The following SLC25A16 variants were observed in gnomAD, a reference collection of about 807,000 sequenced individuals.
SLC25A16 encodes mitochondrial coenzyme A transporter SLC25A16.
SLC25A16 carries 39 observed loss-of-function variants against 41.5 expected under a neutral mutation model. The ratio of observed to expected loss-of-function variants is 0.94; its 90% confidence interval spans 0.73 to 1.23. SLC25A16 has a LOEUF of 1.23. Among genes scored for constraint, SLC25A16 ranks in the 50% most tolerant of loss-of-function variants. SLC25A16 has a pLI of 0.00. For missense variants in SLC25A16, 421 were observed against 426.9 expected (o/e 0.99, Z 0.12); for synonymous variants, 146 against 147.8 (o/e 0.99, Z 0.09).
In SLC25A16 at chr10:68,512,634, G is replaced by A. The variant is rs1462860298; in HGVS notation, c.223+4117C>T. ...AGCCTGGGCAACAGAGCGAGACTCCGTCTCAAAAAAAAAAAAAAAAAAAAA... is the reference window on the plus strand; with the variant it reads ...AGCCTGGGCAACAGAGCGAGACTCCATCTCAAAAAAAAAAAAAAAAAAAAA... On this transcript the variant is annotated intron_variant, in intron 2 of 8. Coordinates refer to ENST00000609923, the MANE Select transcript of SLC25A16 (RefSeq NM_152707.4). Among the ~76,000 whole-genome samples, 63 of 55,334 alleles carry A rather than the reference G, an allele frequency of 1.1e-3. 4 individuals carry two copies. The highest frequency in any genetic ancestry group is 0.043 in the Middle Eastern group (2 of 46). The allele number at this position is 55,334 out of a possible 152,430, so 36.3% of individuals were successfully genotyped here.
At chr10:68,504,920 T>C (rs1485320656) in intron 3 of SLC25A16, among the ~76,000 whole-genome samples, 2 of 152,096 alleles carry the variant, frequency 1.3e-5, no homozygotes, top group African/African-American at 4.8e-5. Context: ...CCTCAGCTGA[T>C]ACTCCCACCT....
At chr10:68,499,360 C>A (rs1478296385) in intron 4 of SLC25A16, among the ~76,000 whole-genome samples, 3 of 152,198 alleles carry the variant, frequency 2.0e-5, no homozygotes, top group African/African-American at 2.4e-5. Flanking sequence ...CTAACACTTT[C>A]CTTCTTTTTT....
intron 4 of SLC25A16, among the ~76,000 whole-genome samples, chr10:68,494,896 AAAAAG>A (rs1172626734): frequency 2.0e-5 from 3 of 151,148 alleles, no homozygotes; most frequent in South Asian, 2.1e-4. Context: ...AAAAAAAAGT[AAAAAG>A]AAAAGAAAAC....
intron 6 of SLC25A16, among the ~76,000 whole-genome samples, chr10:68,488,991 C>T (rs558437669): frequency 2.2e-4 from 33 of 152,140 alleles, no homozygotes; most frequent in African/African-American, 7.2e-4. Context: ...CAATGATGGC[C>T]GGGCGTGGTG....
At chr10:68,500,832 G>A (rs1204794943) in intron 4 of SLC25A16, among the ~76,000 whole-genome samples, 1 of 151,890 alleles carries the variant, frequency 6.6e-6, no homozygotes, top group Non-Finnish European at 1.5e-5. Context: ...TAAGGAGGCT[G>A]AGGCAGAAGA....
intron 1 of SLC25A16, 132 bp downstream of exon 1, chr10:68,527,114 A>G: frequency 1.1e-6 from 1 of 935,828 alleles, no homozygotes; most frequent in Non-Finnish European, 1.5e-6. Context: ...ACAGCAGGTC[A>G]GGGCAGACAT....
chr10:68,487,531 A>G (rs2052584693), intron 7 of SLC25A16, among the ~76,000 whole-genome samples: 1 of 152,216 alleles, frequency 6.6e-6, no homozygotes, highest in South Asian at 2.1e-4. Flanking sequence ...ACTAATATAC[A>G]GTTTCCAACA....
chr10:68,497,438 A>G (rs2052767108), intron 4 of SLC25A16, among the ~76,000 whole-genome samples: 1 of 151,982 alleles, frequency 6.6e-6, no homozygotes, highest in Non-Finnish European at 1.5e-5. Flanking sequence ...ACCAAAATAC[A>G]CCTGTCTATA....
intron 2 of SLC25A16, among the ~76,000 whole-genome samples, chr10:68,508,530 A>G (rs1315292046): frequency 6.6e-6 from 1 of 151,886 alleles, no homozygotes; most frequent in African/African-American, 2.4e-5. Context: ...CTTGACCAAC[A>G]TGGAGAAACT....
In SLC25A16 at chr10:68,503,688, G is replaced by C. The variant is rs753520144; in HGVS notation, c.365C>G (p.Thr122Ser). The change falls in exon 4 of 9, where the codon ACT becomes AGT. Residue 122 changes from threonine (T) to serine (S), a missense_variant. Thr to Ser is a moderately conservative substitution (Grantham distance 58, BLOSUM62 1). Coordinates refer to ENST00000609923, the MANE Select transcript of SLC25A16 (RefSeq NM_152707.4). ...MAFEHYKTLI[T>S]TKLGISGHVH... ...ATGACCTGAAATTCCCAGCTTCGTA[G>C]TAATTAACTAGAAAACAAGAACACT... The C allele has an allele frequency of 8.1e-6, 13 of 1,598,028 alleles. No individual in the cohort carries two copies. Among genetic ancestry groups the C allele is most frequent in the Non-Finnish European group, 1.0e-5 (12 of 1,167,456 alleles).
At chr10:68,522,062 T>C (rs1379388758) in intron 1 of SLC25A16, among the ~76,000 whole-genome samples, 1 of 150,876 alleles carries the variant, frequency 6.6e-6, no homozygotes, top group East Asian at 2.0e-4. Flanking sequence ...AATCGGGAGG[T>C]TGAGGCGGTA....
intron 4 of SLC25A16, 104 bp downstream of exon 4, chr10:68,503,528 G>T: frequency 1.5e-6 from 1 of 678,862 alleles, no homozygotes; most frequent in South Asian, 2.2e-5. Flanking sequence ...CAGGACACCT[G>T]CAACCTGTGC....
chr10:68,509,776 GATAT>G (rs1312653708), intron 2 of SLC25A16, among the ~76,000 whole-genome samples: 3 of 146,960 alleles, frequency 2.0e-5, no homozygotes, highest in Non-Finnish European at 4.4e-5. Context: ...TAGATAGATA[GATAT>G]ATAGATAGAT....
intron 1 of SLC25A16, among the ~76,000 whole-genome samples, chr10:68,525,418 G>A (rs1255245706): frequency 2.0e-5 from 3 of 152,130 alleles, no homozygotes; most frequent in East Asian, 3.9e-4. Context: ...TTACAGGCGT[G>A]AGCCACCCTG....
At chr10:68,494,771 G>A (rs2052722418) in intron 4 of SLC25A16, among the ~76,000 whole-genome samples, 1 of 139,744 alleles carries the variant, frequency 7.2e-6, no homozygotes, top group South Asian at 2.4e-4. Flanking sequence ...CAGCTACTTG[G>A]GAGGCTGAGG....
rs370023076 is a variant in SLC25A16, at chr10:68,506,919, CATATA to C, written c.224-206_224-202del. On this transcript the variant is annotated intron_variant, in intron 2 of 8. Transcript: ENST00000609923. ...CCAAATAATATAAATAAGCACACCCCATATAATATAAAACCTACTGTAGAAACAAC... is the reference window on the plus strand; with the variant it reads ...CCAAATAATATAAATAAGCACACCCCATATAAAACCTACTGTAGAAACAAC... Among the ~76,000 whole-genome samples, 755 of 151,844 alleles carry C rather than the reference CATATA, an allele frequency of 5.0e-3. 6 individuals are homozygous for C. The highest frequency in any genetic ancestry group is 0.017 in the African/African-American group (685 of 41,322).
At chr10:68,486,287 G>A (rs1449400257) in intron 8 of SLC25A16, among the ~76,000 whole-genome samples, 1 of 151,044 alleles carries the variant, frequency 6.6e-6, no homozygotes, top group Non-Finnish European at 1.5e-5. Context: ...TAGAGACAAG[G>A]TCTCACTGTG....
chr10:68,479,103 AC>A lies in SLC25A16; in HGVS notation c.*4328del, dbSNP rs1470287392. On this transcript the variant is annotated 3_prime_UTR_variant, in exon 9 of 9. Transcript: ENST00000609923. ...CTCATGCTGGCAAATCAGCAATAAGACATTTCTGCGAAGCAAACCAAATGAC... is the reference window on the plus strand; with the variant it reads ...CTCATGCTGGCAAATCAGCAATAAGAATTTCTGCGAAGCAAACCAAATGAC... The A allele has an allele frequency of 1.3e-5, 2 of 152,212 alleles. No individual in the cohort carries two copies. The highest frequency in any genetic ancestry group is 6.6e-5 in the Admixed American group (1 of 15,264). 9.4% of individuals were successfully genotyped at this position (152,212 alleles called of 1,614,324 possible). A position where few individuals can be genotyped will look rare whatever the true frequency, so the allele number is the denominator to read the frequency against.
intron 8 of SLC25A16, among the ~76,000 whole-genome samples, chr10:68,486,446 G>C (rs992431005): frequency 6.6e-6 from 1 of 150,666 alleles, no homozygotes; most frequent in African/African-American, 2.4e-5. Context: ...TTTTTTTATT[G>C]AGATGGAGTC....
Sources: allele counts gnomAD v4.1 joint callset (sites outside exome capture counted in the v4.1 genomes callset), GRCh38; gene constraint gnomAD v4.1.1; transcripts MANE v1.5; gene names NCBI Gene and HGNC (gene_info 2026-07-23, HGNC 2026-07-21).